LARGE1: variants seen among roughly 807,000 people sequenced by gnomAD.
LARGE1 encodes xylosyl- and glucuronyltransferase LARGE1.
A neutral mutation model predicts 87.6 loss-of-function variants in LARGE1; 43 were observed. The observed-to-expected ratio is 0.49, with a 90% CI of 0.38 to 0.63. LARGE1 has a LOEUF of 0.63. Ranked by LOEUF, LARGE1 falls within the 30% of genes least tolerant of loss-of-function variation. LARGE1 has a pLI of 0.00. For synonymous variants in LARGE1, 434 were observed against 394.6 expected (o/e 1.10, Z -1.18); for missense variants, 802 against 1,000.2 (o/e 0.80, Z 2.67).
At chr22:33,899,442 T>C (rs771518935) in intron 1 of LARGE1, among the ~76,000 whole-genome samples, 41 of 152,094 alleles carry the variant, frequency 2.7e-4, no homozygotes, top group Non-Finnish European at 5.6e-4. Flanking sequence ...AACCAATAAA[T>C]ACCAAGAGGA....
chr22:33,328,023 G>C (rs1034266038), intron 10 of LARGE1, among the ~76,000 whole-genome samples: 2 of 152,166 alleles, frequency 1.3e-5, no homozygotes, highest in African/African-American at 4.8e-5. Flanking sequence ...CGTAGTCACA[G>C]AGCTTACATT....
chr22:33,532,474 A>T (rs2076930386), intron 6 of LARGE1, among the ~76,000 whole-genome samples: 1 of 152,248 alleles, frequency 6.6e-6, no homozygotes, highest in Non-Finnish European at 1.5e-5. Flanking sequence ...TCTGTGCCAG[A>T]CACTAATCCA....
At position 33,340,493 on chromosome 22, in the gene LARGE1, A is replaced by AGGT. The variant is rs1228756240; in HGVS notation, c.1132-2695_1132-2693dup. 1.3e-5 allele frequency among the ~76,000 whole-genome samples: 2 copies of AGGT among 151,926 alleles called. 1 individual carries two copies. Among genetic ancestry groups the AGGT allele is most frequent in the African/African-American group, 4.9e-5 (2 of 41,168 alleles). On this transcript the variant is annotated intron_variant, in intron 9 of 14. Transcript: ENST00000397394. ...AAGACCCCATGAGGACTGCACTGTG[A>AGGT]GGTGGCCCTGGTCATATATGATCAT...
At chr22:33,684,834 A>G (rs754824133) in intron 2 of LARGE1, among the ~76,000 whole-genome samples, 1 of 152,110 alleles carries the variant, frequency 6.6e-6, no homozygotes, top group Non-Finnish European at 1.5e-5. Context: ...ATTTTAACAA[A>G]CCATAGTTGA....
intron 9 of LARGE1, among the ~76,000 whole-genome samples, chr22:33,355,049 A>G (rs1475308419): frequency 6.6e-6 from 1 of 152,212 alleles, no homozygotes; most frequent in African/African-American, 2.4e-5. Flanking sequence ...CACAGTAAAA[A>G]TATGTTTGCA....
At chr22:33,471,051 A>T (rs2068818583) in intron 6 of LARGE1, among the ~76,000 whole-genome samples, 1 of 134,042 alleles carries the variant, frequency 7.5e-6, no homozygotes, top group Non-Finnish European at 1.6e-5. Flanking sequence ...TTTTTTTGAG[A>T]GAGTCTCGCT....
At chr22:33,194,804 G>C (rs1484352210) in intron 11 of LARGE1, among the ~76,000 whole-genome samples, 1 of 152,118 alleles carries the variant, frequency 6.6e-6, no homozygotes, top group Non-Finnish European at 1.5e-5. Context: ...ACAGAAAGGG[G>C]AATAGAGAGC....
intron 6 of LARGE1, among the ~76,000 whole-genome samples, chr22:33,458,271 A>T (rs569930013): frequency 6.6e-6 from 1 of 151,280 alleles, no homozygotes; most frequent in South Asian, 2.1e-4. Flanking sequence ...CGCTCGGCTA[A>T]TTTTTTGTAT....
chr22:33,310,812 T>C (rs930754500), intron 11 of LARGE1, among the ~76,000 whole-genome samples: 1 of 152,128 alleles, frequency 6.6e-6, no homozygotes, highest in Non-Finnish European at 1.5e-5. Flanking sequence ...GGGCTTGGCA[T>C]CCCTTGGGTT....
At chr22:33,360,557 A>G (rs968199958) in intron 9 of LARGE1, among the ~76,000 whole-genome samples, 1 of 149,200 alleles carries the variant, frequency 6.7e-6, no homozygotes, top group African/African-American at 2.5e-5. Flanking sequence ...TGAGAACACT[A>G]TCATAAGAAC....
intron 6 of LARGE1, among the ~76,000 whole-genome samples, chr22:33,453,858 C>T (rs1216834031): frequency 1.3e-5 from 2 of 152,080 alleles, no homozygotes; most frequent in Non-Finnish European, 2.9e-5. Context: ...TGTCTTTTTC[C>T]TACTGCATTT....
intron 7 of LARGE1, among the ~76,000 whole-genome samples, chr22:33,394,267 C>T (rs1364811249): frequency 2.0e-5 from 3 of 149,306 alleles, no homozygotes; most frequent in Admixed American, 6.7e-5. Flanking sequence ...GGCACAATCT[C>T]GGCTCACTGC....
chr22:33,785,175 A>G (rs2085587472), intron 1 of LARGE1, among the ~76,000 whole-genome samples: 3 of 149,136 alleles, frequency 2.0e-5, no homozygotes, highest in Admixed American at 2.0e-4. Flanking sequence ...GTATACATAC[A>G]TATGTGTATA....
At chr22:33,427,374 A>T (rs866277400) in intron 7 of LARGE1, among the ~76,000 whole-genome samples, 2 of 152,214 alleles carry the variant, frequency 1.3e-5, no homozygotes, top group Non-Finnish European at 2.9e-5. Flanking sequence ...CAGCTCTAGT[A>T]AAAAGGGAAG....
chr22:33,488,162 C>T (rs1430266548), intron 6 of LARGE1, among the ~76,000 whole-genome samples: 1 of 152,172 alleles, frequency 6.6e-6, no homozygotes, highest in Non-Finnish European at 1.5e-5. Context: ...AACACAGTAG[C>T]CACTAGCCAC....
At position 33,800,533 on chromosome 22, in the gene LARGE1, A is replaced by ATT. The variant is rs2086128605; in HGVS notation, c.-82-38977_-82-38976dup. ...TGTTCTATCATCCTGAAGAAACTCC[A>ATT]TTATGCTACCCCATTATACTCACAC... On this transcript the variant is annotated intron_variant, in intron 1 of 14. Transcript: ENST00000397394. 1.3e-5 allele frequency among the ~76,000 whole-genome samples: 2 copies of ATT among 152,180 alleles called. 1 individual carries two copies. Among genetic ancestry groups the ATT allele is most frequent in the South Asian group, 4.1e-4 (2 of 4,824 alleles).
At chr22:33,921,159 C>G (rs966768442), upstream of LARGE1, among the ~76,000 whole-genome samples, 2 of 151,914 alleles carry the variant, frequency 1.3e-5, no homozygotes, top group East Asian at 2.0e-4. This position sits in a 1 kb window ranked among gnomAD's most constrained non-coding sequence, Gnocchi z 4.1. Flanking sequence ...CCGCGCGGAC[C>G]GAGAGTTCGC....
chr22:33,557,345 C>T (rs1455583481), intron 6 of LARGE1, among the ~76,000 whole-genome samples: 3 of 152,132 alleles, frequency 2.0e-5, no homozygotes, highest in Non-Finnish European at 4.4e-5. Context: ...TAGTGTCTAT[C>T]AAGAAAATCA....
At chr22:33,761,611 G>T in intron 1 of LARGE1, 53 bp from the exon 2 acceptor site, 1 of 728,038 alleles carries the variant, frequency 1.4e-6, no homozygotes, top group East Asian at 2.7e-5. Context: ...GGAGATGGGT[G>T]TAAGTTATGG....
Sources: gnomAD v4.1 joint callset for allele counts (sites outside exome capture counted in the v4.1 genomes callset) on GRCh38, gnomAD v4.1.1 for gene constraint, Gnocchi (gnomAD v3.1) non-coding constraint, MANE v1.5 for transcripts, NCBI Gene and HGNC (gene_info 2026-07-23, HGNC 2026-07-21) for gene names.